Variants in OCA2 observed in about 807,000 individuals in gnomAD.
The protein encoded by OCA2 is P protein.
In OCA2, 77 loss-of-function variants were observed where a neutral mutation model predicts 100.2. The observed-to-expected ratio is 0.77, with a 90% CI of 0.64 to 0.93. The LOEUF is 0.93. Among genes scored for constraint, OCA2 ranks in the 40% least tolerant of loss-of-function variants. The probability of loss-of-function intolerance (pLI) is 0.00; values close to 1 mark genes in which losing one functional copy is unlikely to be tolerated. For missense variants in OCA2, 1,062 were observed against 1,089.1 expected (o/e 0.98, Z 0.35); for synonymous variants, 432 against 439.2 (o/e 0.98, Z 0.21).
chr15:27,893,575 T>C (rs2037556717), intron 19 of OCA2, among the ~76,000 whole-genome samples: 1 of 152,136 alleles, frequency 6.6e-6, no homozygotes, highest in African/African-American at 2.4e-5. Context: ...GGGAAAGGAA[T>C]GCATTCCTGG....
chr15:27,756,162 G>A (rs1481170113), intron 23 of OCA2, among the ~76,000 whole-genome samples: 6 of 152,212 alleles, frequency 3.9e-5, no homozygotes, highest in Non-Finnish European at 7.3e-5. Context: ...GGTAATGCAC[G>A]CTCTGTAGCC....
At chr15:27,813,730 T>G (rs944529595) in intron 23 of OCA2, among the ~76,000 whole-genome samples, 1 of 152,066 alleles carries the variant, frequency 6.6e-6, no homozygotes, top group African/African-American at 2.4e-5. Context: ...CACACATATT[T>G]CACACTCAAA....
rs1299372241 is a variant in OCA2 at position 27,892,549 on chromosome 15, G to A, written c.2080-20627C>T. Among the ~76,000 whole-genome samples, 11 of 152,014 alleles carry A rather than the reference G, an allele frequency of 7.2e-5. No homozygotes were observed. The East Asian group carries it at 1.7e-3, about 24-fold the overall frequency. On this transcript the variant is annotated intron_variant, in intron 19 of 23. Transcript: ENST00000354638. ...TGCAACACATAGAAACATATAGGGT[G>A]CAACCGAAATATAACTGTGACAAAA...
the OCA2 span, among the ~76,000 whole-genome samples, chr15:27,720,406 T>C: frequency 6.7e-6 from 1 of 149,888 alleles, no homozygotes; most frequent in African/African-American, 2.4e-5. Flanking sequence ...TTATGTTATA[T>C]ATATGCATTT....
chr15:27,722,727 CTTTCT>C, the OCA2 span, among the ~76,000 whole-genome samples: 3 of 39,482 alleles, frequency 7.6e-5, no homozygotes, highest in Non-Finnish European at 2.6e-4. Flanking sequence ...TCTCTTTCTT[CTTTCT>C]TTCTTTCTTC....
chr15:27,872,678 TTTTAA>T (rs1302000558), intron 19 of OCA2, among the ~76,000 whole-genome samples: 1 of 150,620 alleles, frequency 6.6e-6, no homozygotes, highest in African/African-American at 2.5e-5. Context: ...CGCTTTTTTC[TTTTAA>T]TTTTTTAATT....
At chr15:27,826,517 C>T (rs540452318) in intron 23 of OCA2, among the ~76,000 whole-genome samples, 2 of 152,122 alleles carry the variant, frequency 1.3e-5, no homozygotes, top group Non-Finnish European at 2.9e-5. Context: ...ACACTGCCTC[C>T]CCCTCCTTTC....
At chr15:28,027,089 C>T (rs2042772450) in intron 4 of OCA2, among the ~76,000 whole-genome samples, 1 of 152,186 alleles carries the variant, frequency 6.6e-6, no homozygotes, top group African/African-American at 2.4e-5. Flanking sequence ...TCAAACATGT[C>T]CCTCTCAAAA....
Position 27,755,429 on chromosome 15 carries a change from A to T in OCA2, c.2476T>A (p.Cys826Ser). The T allele has an allele frequency of 6.2e-7, 1 of 1,614,066 alleles. No individual in the cohort carries two copies. The change falls in exon 24 of 24, where the codon TGT becomes AGT. Residue 826 changes from cysteine (C) to serine (S), a missense_variant. Physicochemically the swap from Cys to Ser is moderately radical, Grantham distance 112 (BLOSUM62 -1). Coordinates refer to ENST00000354638, the MANE Select transcript of OCA2 (RefSeq NM_000275.3). ...ACCACATGAGCCACAAGGAGATAACACATCCCAACAGTGCAGGACACAACC... is the reference window on the plus strand; with the variant it reads ...ACCACATGAGCCACAAGGAGATAACTCATCCCAACAGTGCAGGACACAACC... ...MMVVSCTVGM[C>S]YLLVAHVVVG...
intron 23 of OCA2, among the ~76,000 whole-genome samples, chr15:27,833,020 T>C (rs2035021655): frequency 6.6e-6 from 1 of 151,974 alleles, no homozygotes; most frequent in Non-Finnish European, 1.5e-5. Flanking sequence ...TTCACCATGT[T>C]GGCAAGGCTG....
chr15:28,067,838 C>T (rs1272737080), intron 2 of OCA2, among the ~76,000 whole-genome samples: 1 of 152,094 alleles, frequency 6.6e-6, no homozygotes, highest in East Asian at 1.9e-4. Flanking sequence ...CTGCAGATGT[C>T]TATTAGGTCC....
chr15:28,011,432 C>G (rs2042236891), intron 9 of OCA2, among the ~76,000 whole-genome samples: 1 of 151,990 alleles, frequency 6.6e-6, no homozygotes. Context: ...CATGCTACTG[C>G]ACTCCAGCCA....
At chr15:27,917,120 CT>C (rs1310443361) in intron 19 of OCA2, among the ~76,000 whole-genome samples, 1 of 152,092 alleles carries the variant, frequency 6.6e-6, no homozygotes, top group Non-Finnish European at 1.5e-5. Flanking sequence ...ACAAACCTTA[CT>C]CTCTTCTGGG....
At chr15:27,805,663 G>A (rs1351667611) in intron 23 of OCA2, among the ~76,000 whole-genome samples, 1 of 152,158 alleles carries the variant, frequency 6.6e-6, no homozygotes, top group East Asian at 1.9e-4. Flanking sequence ...GCTCTGGGCT[G>A]GGACCAGAGC....
At chr15:27,999,332 T>C (rs536140599) in intron 9 of OCA2, among the ~76,000 whole-genome samples, 27 of 152,344 alleles carry the variant, frequency 1.8e-4, no homozygotes, top group African/African-American at 6.3e-4. Flanking sequence ...ATAAATGTGA[T>C]ACATTGCCTT....
intron 2 of OCA2, among the ~76,000 whole-genome samples, chr15:28,041,195 T>G (rs2043190751): frequency 6.6e-6 from 1 of 152,034 alleles, no homozygotes; most frequent in Non-Finnish European, 1.5e-5. Flanking sequence ...CCTGGTATAC[T>G]GAGATGGCTT....
chr15:27,960,550 G>A (rs922047001), intron 15 of OCA2, among the ~76,000 whole-genome samples: 5 of 152,022 alleles, frequency 3.3e-5, no homozygotes, highest in African/African-American at 1.2e-4. Flanking sequence ...ACAGTCACTT[G>A]CTATAAACCT....
intron 1 of OCA2, among the ~76,000 whole-genome samples, chr15:28,085,314 T>A (rs1345533848): frequency 2.6e-5 from 4 of 152,062 alleles, no homozygotes; most frequent in African/African-American, 9.7e-5. Flanking sequence ...CTTCACTGCC[T>A]GAATCAGCCG....
intron 7 of OCA2, among the ~76,000 whole-genome samples, chr15:28,017,063 C>CG (rs1036597740): frequency 1.5e-4 from 5 of 33,356 alleles, no homozygotes; most frequent in African/African-American, 4.8e-4. Flanking sequence ...GCCTGGGGAG[C>CG]GGGGGGCGGG....
Sources: allele counts gnomAD v4.1 joint callset (sites outside exome capture counted in the v4.1 genomes callset), GRCh38; gene constraint gnomAD v4.1.1; transcripts MANE v1.5; gene names NCBI Gene and HGNC (gene_info 2026-07-23, HGNC 2026-07-21).